The following ZNF521 variants were observed in gnomAD, a reference collection of about 807,000 sequenced individuals.
ZNF521 encodes the protein LYST-interacting protein 3.
ZNF521 carries 14 observed loss-of-function variants against 105.5 expected under a neutral mutation model. The ratio of observed to expected loss-of-function variants is 0.13; its 90% CI spans 0.09 to 0.21. The LOEUF is 0.21. Among genes scored for constraint, ZNF521 ranks in the 10% least tolerant of loss-of-function variants. The pLI is 1.00. For synonymous variants in ZNF521, 635 were observed against 606.0 expected, an observed-to-expected ratio of 1.05 and a Z score of -0.70; for missense variants, 1,233 against 1,629.7, an observed-to-expected ratio of 0.76 and a Z score of 4.19.
chr18:25,238,276 A>G (rs1027748666), intron 3 of ZNF521, among the ~76,000 whole-genome samples: 2 of 152,228 alleles, frequency 1.3e-5, no homozygotes, highest in Admixed American at 1.3e-4. Flanking sequence ...TTTTCATATT[A>G]CTAAACCAAT....
chr18:25,288,053 C>T (rs367652559), intron 3 of ZNF521, among the ~76,000 whole-genome samples: 3 of 152,174 alleles, frequency 2.0e-5, no homozygotes, highest in African/African-American at 7.2e-5. Flanking sequence ...CCAATAGTTT[C>T]AGCAACAAGA....
intron 5 of ZNF521, among the ~76,000 whole-genome samples, chr18:25,122,063 C>T (rs1013827928): frequency 6.6e-6 from 1 of 152,110 alleles, no homozygotes; most frequent in Non-Finnish European, 1.5e-5. Context: ...AACTACATTT[C>T]TGTGTATTCA....
At chr18:25,310,229 T>C (rs1167823829) in intron 3 of ZNF521, among the ~76,000 whole-genome samples, 2 of 152,156 alleles carry the variant, frequency 1.3e-5, no homozygotes, top group Non-Finnish European at 2.9e-5. Context: ...CAAGACTAAT[T>C]GGAATTTTTA....
rs766248011 is a variant in ZNF521, at chr18:25,227,295, C to T, written c.623G>A (p.Arg208His). 18 of 1,613,990 alleles carry T rather than the reference C, an allele frequency of 1.1e-5. No homozygotes were observed. Among genetic ancestry groups the T allele is most frequent in the Middle Eastern group, 1.6e-4 (1 of 6,084 alleles). Residue 208 changes from arginine (R) to histidine (H), a missense_variant, in exon 4 of 8, where the codon CGC (arginine) becomes CAC (histidine). Arg to His is a conservative substitution (Grantham distance 29). Around this residue, in one of 6 missense-constraint regions of ZNF521, gnomAD observed 380 missense variants for 478.0 expected, o/e 0.80. Transcript: ENST00000361524. This position sits in a 1 kb window ranked among gnomAD's most constrained non-coding sequence, Gnocchi z 5.7. ...GGAACTAGAGGACAGAAACCCACGG[C>T]GACAAATGGCACATTTATATGGCTT... ...SNKPYKCAIC[R>H]RGFLSSSSLH...
intron 4 of ZNF521, among the ~76,000 whole-genome samples, chr18:25,212,965 T>C (rs1435010695): frequency 1.3e-5 from 2 of 151,736 alleles, no homozygotes; most frequent in East Asian, 3.8e-4. Context: ...TCGTTTTACA[T>C]GCAAATATAT....
rs1205129922 is a variant in ZNF521 at position 25,274,165 on chromosome 18, T to C, written c.221-46468A>G. ...TCCCAAGACTCTGCTATAAGAATTA[T>C]TGATCCTGGAATGAGGAGATTCCTT... On this transcript the variant is annotated intron_variant, in intron 3 of 7. Coordinates refer to ENST00000361524, the MANE Select transcript of ZNF521 (RefSeq NM_015461.3). 3.9e-5 allele frequency among the ~76,000 whole-genome samples: 6 copies of C among 152,306 alleles called. No individual in the cohort carries two copies. In the South Asian group the frequency reaches 1.0e-3, roughly 26 times the overall value.
chr18:25,153,978 G>A lies in ZNF521; in HGVS notation c.3658+41182C>T, dbSNP rs187529887. On this transcript the variant is annotated intron_variant, in intron 5 of 7. Transcript: ENST00000361524. Reference sequence around the variant, plus strand: ...TAAGAAATCAGGAATAGGGCAAAAGGAGAAGTCACAGAAACAATGACAAGA... The same window carrying A: ...TAAGAAATCAGGAATAGGGCAAAAGAAGAAGTCACAGAAACAATGACAAGA... Among the ~76,000 whole-genome samples, 3 of 152,240 alleles carry A rather than the reference G, an allele frequency of 2.0e-5. No homozygotes were observed. The East Asian group carries it at 5.8e-4, about 29-fold the overall frequency.
At chr18:25,221,416 T>C (rs951033472) in intron 4 of ZNF521, among the ~76,000 whole-genome samples, 25 of 152,214 alleles carry the variant, frequency 1.6e-4, no homozygotes, top group Non-Finnish European at 2.9e-4. Flanking sequence ...ATATTCTTTT[T>C]AGTCTTTGAA....
chr18:25,313,697 T>C (rs945652419), intron 3 of ZNF521, among the ~76,000 whole-genome samples: 13 of 152,248 alleles, frequency 8.5e-5, no homozygotes, highest in African/African-American at 2.9e-4. Flanking sequence ...GTTTATTTCA[T>C]CTTTACCTAA....
At chr18:25,082,544 A>G (rs1473715589) in intron 7 of ZNF521, 1 of 450,472 alleles carries the variant, frequency 2.2e-6, no homozygotes, top group Non-Finnish European at 4.4e-6. Flanking sequence ...GGGATAATAA[A>G]AGAAATTTTG....
intron 5 of ZNF521, among the ~76,000 whole-genome samples, chr18:25,118,606 T>C (rs1006492648): frequency 6.6e-6 from 1 of 151,798 alleles, no homozygotes; most frequent in African/African-American, 2.4e-5. Context: ...TATATTAAAA[T>C]CCCTACAACA....
At chr18:25,113,761 G>GACGGACACACACACACACATACACAC (rs35914509) in intron 5 of ZNF521, among the ~76,000 whole-genome samples, 1 of 101,690 alleles carries the variant, frequency 9.8e-6, no homozygotes, top group Non-Finnish European at 2.0e-5. Context: ...AGGACGGACG[G>GACGGACACACACACACACATACACAC]ACACACACAC....
At chr18:25,274,775 G>A (rs1264465488) in intron 3 of ZNF521, among the ~76,000 whole-genome samples, 1 of 152,198 alleles carries the variant, frequency 6.6e-6, no homozygotes, top group Non-Finnish European at 1.5e-5. Flanking sequence ...ATAAGATGTT[G>A]TGTCTAGTGG....
At chr18:25,062,809 C>G (rs2032942671) in intron 7 of ZNF521, 68 bp from the exon 8 acceptor site, 11 of 1,327,874 alleles carry the variant, frequency 8.3e-6, no homozygotes, top group Non-Finnish European at 1.1e-5. Flanking sequence ...AAACAAACTT[C>G]AGTGATTTCA....
rs368382111 is a variant in ZNF521 at position 25,348,773 on chromosome 18, T to A, written c.40+2134A>T. On this transcript the variant is annotated intron_variant, in intron 2 of 7. Transcript: ENST00000361524. Reference sequence around the variant, plus strand: ...TAAAAGAATAAAATGTCCTCTTTACTCATTCTTCACTTGCCATTTTTTGCT... The same window carrying A: ...TAAAAGAATAAAATGTCCTCTTTACACATTCTTCACTTGCCATTTTTTGCT... Among the ~76,000 whole-genome samples, 7 of 152,240 alleles carry A rather than the reference T, an allele frequency of 4.6e-5. No homozygotes were observed. The South Asian group carries it at 1.2e-3, about 27-fold the overall frequency.
intron 5 of ZNF521, among the ~76,000 whole-genome samples, chr18:25,154,428 A>G (rs755725092): frequency 1.3e-5 from 2 of 152,166 alleles, no homozygotes; most frequent in Admixed American, 6.5e-5. Flanking sequence ...TCATTCACCT[A>G]GCTCTGATGG....
chr18:25,337,500 A>G (rs1260090359), intron 2 of ZNF521, among the ~76,000 whole-genome samples: 1 of 152,258 alleles, frequency 6.6e-6, no homozygotes. Flanking sequence ...AGAAAAATAA[A>G]TACAAATAGT....
intron 2 of ZNF521, among the ~76,000 whole-genome samples, chr18:25,336,635 A>T (rs1913896476): frequency 6.6e-6 from 1 of 152,186 alleles, no homozygotes; most frequent in South Asian, 2.1e-4. Context: ...GACTGGATCA[A>T]TGCATTGGCC....
intron 7 of ZNF521, among the ~76,000 whole-genome samples, chr18:25,080,050 CCAGGAGCTGCTATCAAGG>C (rs1380408744): frequency 2.6e-5 from 4 of 152,188 alleles, no homozygotes; most frequent in Admixed American, 1.3e-4. Context: ...CTCCTGCCAG[CCAGGAGCTGCTATCAAGG>C]CAGGGGCAGG....
Sources: allele counts gnomAD v4.1 joint callset (sites outside exome capture counted in the v4.1 genomes callset), GRCh38; gene constraint gnomAD v4.1.1; regional missense constraint gnomAD v4.1.1; non-coding constraint Gnocchi (gnomAD v3.1); transcripts MANE v1.5; gene names NCBI Gene and HGNC (gene_info 2026-07-23, HGNC 2026-07-21).